Variants in SH3RF3 observed in about 807,000 individuals in gnomAD.
SH3RF3 encodes E3 ubiquitin-protein ligase SH3RF3.
A neutral mutation model predicts 66.3 loss-of-function variants in SH3RF3; 29 were observed. The observed-to-expected ratio is 0.44, with a 90% CI of 0.33 to 0.60. The LOEUF (loss-of-function observed/expected upper bound fraction) is 0.60, where lower values mean the gene tolerates loss of function less well. Among genes scored for constraint, SH3RF3 ranks in the 20% least tolerant of loss-of-function variants. SH3RF3 has a pLI of 0.04. For missense variants in SH3RF3, 1,194 were observed against 1,190.9 expected (o/e 1.00, Z -0.04); for synonymous variants, 583 against 532.0 (o/e 1.10, Z -1.32).
At chr2:109,184,127 G>A (rs2104994755) in intron 1 of SH3RF3, among the ~76,000 whole-genome samples, 1 of 152,324 alleles carries the variant, frequency 6.6e-6, no homozygotes, top group East Asian at 1.9e-4. Context: ...TCTCCTGCAT[G>A]TGCTTCAAGG....
chr2:109,465,931 G>A (rs372548742), intron 8 of SH3RF3, among the ~76,000 whole-genome samples: 13 of 152,046 alleles, frequency 8.6e-5, no homozygotes, highest in African/African-American at 3.1e-4. Flanking sequence ...CCGTCCCCAC[G>A]ATCCAGTCAC....
At position 109,312,664 on chromosome 2, in the gene SH3RF3, T is replaced by C. The variant is rs371109725; in HGVS notation, c.574-35010T>C. Among the ~76,000 whole-genome samples, 12 of 152,338 alleles carry C rather than the reference T, an allele frequency of 7.9e-5. No individual in the cohort carries two copies. The East Asian group carries it at 2.3e-3, about 29-fold the overall frequency. Reference sequence around the variant, plus strand: ...TGGTCTAGCTTCTTTTACTTCGTATTTTCGAAGTTCATCCAGGATCATAGA... The same window carrying C: ...TGGTCTAGCTTCTTTTACTTCGTATCTTCGAAGTTCATCCAGGATCATAGA... On this transcript the variant is annotated intron_variant, in intron 1 of 9. Transcript: ENST00000309415.
In SH3RF3 at chr2:109,485,330, T is replaced by C. The variant is rs141934284; in HGVS notation, c.2149-5275T>C. Among the ~76,000 whole-genome samples, 1,209 of 152,354 alleles carry C rather than the reference T, an allele frequency of 7.9e-3. 17 individuals carry two copies. The highest frequency in any genetic ancestry group is 0.027 in the African/African-American group (1,117 of 41,572). The stretch of plus-strand genomic sequence containing the variant: ...GGTCACATGTACAGGTTTACTTCAT[T>C]TTCATGAAATGACTTGTATCTCTGT... On this transcript the variant is annotated intron_variant, in intron 8 of 9. Coordinates refer to ENST00000309415, the MANE Select transcript of SH3RF3 (RefSeq NM_001099289.3).
At chr2:109,454,119 A>G (rs1027559810) in intron 8 of SH3RF3, among the ~76,000 whole-genome samples, 3 of 152,226 alleles carry the variant, frequency 2.0e-5, no homozygotes, top group African/African-American at 7.2e-5. Flanking sequence ...GTGAGATAAG[A>G]GAGAGAAGAA....
chr2:109,255,364 C>A (rs1469694182), intron 1 of SH3RF3, among the ~76,000 whole-genome samples: 1 of 152,142 alleles, frequency 6.6e-6, no homozygotes, highest in African/African-American at 2.4e-5. Flanking sequence ...TGGAGAAGTG[C>A]TTTATTCGGT....
chr2:109,419,775 T>C (rs1302846930), intron 5 of SH3RF3, 133 bp downstream of exon 5: 6 of 763,114 alleles, frequency 7.9e-6, no homozygotes, highest in Non-Finnish European at 1.2e-5. Context: ...TATGTGCGTC[T>C]AATAACACCG....
At chr2:109,145,639 C>T (rs760837495) in intron 1 of SH3RF3, among the ~76,000 whole-genome samples, 1 of 152,208 alleles carries the variant, frequency 6.6e-6, no homozygotes, top group African/African-American at 2.4e-5. Flanking sequence ...TCTAGACTCT[C>T]GTGGACTTCC....
chr2:109,264,347 C>T (rs1457542005), intron 1 of SH3RF3, among the ~76,000 whole-genome samples: 3 of 143,808 alleles, frequency 2.1e-5, no homozygotes, highest in Non-Finnish European at 3.0e-5. Flanking sequence ...CCAGGATCCA[C>T]TCCGAGTCTG....
Position 109,471,138 on chromosome 2 carries a change from A to AG in SH3RF3, c.2149-19462dup, listed in dbSNP as rs371727666. Reference sequence around the variant, plus strand: ...GGGAGGCTGAGAATCACTTGAACCCAGGGGGCAGAGTTTGCAATGAGCCGA... The same window carrying AG: ...GGGAGGCTGAGAATCACTTGAACCCAGGGGGGCAGAGTTTGCAATGAGCCGA... On this transcript the variant is annotated intron_variant, in intron 8 of 9. Transcript: ENST00000309415. Among the ~76,000 whole-genome samples, 470 of 138,730 alleles carry AG rather than the reference A, an allele frequency of 3.4e-3. 5 individuals are homozygous for AG. In the South Asian group the frequency reaches 0.037, roughly 11 times the overall value. The allele number at this position is 138,730 out of a possible 152,430, so 91.0% of individuals were successfully genotyped here.
At chr2:109,424,876 G>A (rs773711964) in intron 5 of SH3RF3, among the ~76,000 whole-genome samples, 3 of 152,130 alleles carry the variant, frequency 2.0e-5, no homozygotes, top group East Asian at 1.9e-4. Context: ...AGCTAGAGTC[G>A]AACATCTCTC....
intron 8 of SH3RF3, among the ~76,000 whole-genome samples, chr2:109,458,239 G>A (rs995543056): frequency 6.6e-6 from 1 of 152,080 alleles, no homozygotes; most frequent in South Asian, 2.1e-4. Flanking sequence ...TTTGTATATA[G>A]CATGAGAATG....
At chr2:109,260,911 C>T (rs961075050) in intron 1 of SH3RF3, among the ~76,000 whole-genome samples, 1 of 152,154 alleles carries the variant, frequency 6.6e-6, no homozygotes, top group African/African-American at 2.4e-5. Context: ...CCTGCCTCTG[C>T]TGTGAGAGGA....
chr2:109,411,588 G>T (rs1676590872), intron 4 of SH3RF3, among the ~76,000 whole-genome samples: 1 of 152,168 alleles, frequency 6.6e-6, no homozygotes, highest in Non-Finnish European at 1.5e-5. Flanking sequence ...CACGACCAGT[G>T]TGCCACTCAT....
At chr2:109,303,688 G>C (rs1357429349) in intron 1 of SH3RF3, among the ~76,000 whole-genome samples, 3 of 152,106 alleles carry the variant, frequency 2.0e-5, no homozygotes, top group African/African-American at 7.2e-5. Context: ...TGTTTTGCTT[G>C]GTATTTTAGT....
intron 1 of SH3RF3, among the ~76,000 whole-genome samples, chr2:109,236,635 G>A (rs951765984): frequency 1.3e-5 from 2 of 152,178 alleles, no homozygotes; most frequent in African/African-American, 4.8e-5. Flanking sequence ...ACCACGAGAA[G>A]ATGCTGCCCA....
At chr2:109,496,056 G>C (rs1679252063) in intron 9 of SH3RF3, among the ~76,000 whole-genome samples, 1 of 152,178 alleles carries the variant, frequency 6.6e-6, no homozygotes, top group Non-Finnish European at 1.5e-5. Flanking sequence ...GACCCACCGG[G>C]TTGCCCTGGG....
chr2:109,383,781 G>A (rs1199087037), intron 3 of SH3RF3, among the ~76,000 whole-genome samples: 1 of 152,184 alleles, frequency 6.6e-6, no homozygotes, highest in Non-Finnish European at 1.5e-5. Flanking sequence ...GCAATTAAGA[G>A]TCTTAGTTTG....
Position 109,234,396 on chromosome 2 carries a change from G to C in SH3RF3, c.573+104283G>C, listed in dbSNP as rs1422778113. Among the ~76,000 whole-genome samples, 7 of 152,208 alleles carry C rather than the reference G, an allele frequency of 4.6e-5. No individual in the cohort carries two copies. The South Asian group carries it at 1.0e-3, about 22-fold the overall frequency. ...GCCCTTAAGGGGACAGATGAAACAG[G>C]CAATTTCTCTAAATTTTTTTGACCA... On this transcript the variant is annotated intron_variant, in intron 1 of 9. Coordinates refer to ENST00000309415, the MANE Select transcript of SH3RF3 (RefSeq NM_001099289.3).
At chr2:109,371,354 C>G (rs947928923) in intron 2 of SH3RF3, among the ~76,000 whole-genome samples, 70 of 152,228 alleles carry the variant, frequency 4.6e-4, no homozygotes, top group Non-Finnish European at 9.0e-4. Context: ...TGCGCCACTG[C>G]ACTCCAGCCT....
Sources: gnomAD v4.1 joint callset for allele counts (sites outside exome capture counted in the v4.1 genomes callset) on GRCh38, gnomAD v4.1.1 for gene constraint, MANE v1.5 for transcripts, NCBI Gene and HGNC (gene_info 2026-07-23, HGNC 2026-07-21) for gene names.